The following CBX6 variants were observed in gnomAD, a reference collection of about 807,000 sequenced individuals.
CBX6 encodes the protein chromobox 6.
CBX6 carries 7 observed loss-of-function variants against 28.4 expected under a neutral mutation model. The observed-to-expected ratio is 0.25, with a 90% CI of 0.14 to 0.46. The LOEUF is 0.46. Ranked by LOEUF, CBX6 falls within the 20% of genes least tolerant of loss-of-function variation. The probability of loss-of-function intolerance (pLI) is 0.99; values close to 1 mark genes in which losing one functional copy is unlikely to be tolerated. For missense variants in CBX6, 512 were observed against 606.1 expected (o/e 0.84, Z 1.63); for synonymous variants, 297 against 273.4 (o/e 1.09, Z -0.85).
chr22:38,868,725 C>G (rs73419431), intron 4 of CBX6, among the ~76,000 whole-genome samples: 1 of 151,954 alleles, frequency 6.6e-6, no homozygotes. Flanking sequence ...CATGTCCCCA[C>G]GGTTGGTCTG....
In CBX6 at chr22:38,862,006, A is replaced by G. The variant is rs2093158269; in HGVS notation, c.*4203T>C. 6.6e-6 allele frequency: 1 copy of G among 152,268 alleles called. No individual in the cohort carries two copies. The highest frequency in any genetic ancestry group is 2.4e-5 in the African/African-American group (1 of 41,470). 9.4% of individuals were successfully genotyped at this position (152,268 alleles called of 1,614,324 possible). ...TTTGTGTTTTTAAATTAAAACCAAC[A>G]AAAAGAAGTCTCCCTCTCCACTCCA... On this transcript the variant is annotated 3_prime_UTR_variant, in exon 5 of 5. Transcript: ENST00000407418.
Position 38,866,722 on chromosome 22 carries a change from C to CCCG in CBX6, c.725_726insCGG (p.Leu242_Val243insGly). The CCCG allele has an allele frequency of 6.7e-7, 1 of 1,487,630 alleles. No homozygotes were observed. The highest frequency in any genetic ancestry group is 8.9e-7 in the Non-Finnish European group (1 of 1,119,984). 92.2% of individuals were successfully genotyped at this position (1,487,630 alleles called of 1,614,324 possible). A position where few individuals can be genotyped will look rare whatever the true frequency, so the allele number is the denominator to read the frequency against. On this transcript the variant is annotated inframe_insertion, in exon 5 of 5. Coordinates refer to ENST00000407418, the MANE Select transcript of CBX6 (RefSeq NM_014292.5). This position sits in a 1 kb window ranked among gnomAD's most constrained non-coding sequence, Gnocchi z 7.5. The stretch of plus-strand genomic sequence containing the variant: ...CAGCCTTGCCGGGGGACGGGGCTAC[C>CCCG]AGGGGGGCGGGCGGAGGCTTGTACA...
In CBX6 at chr22:38,863,115, C is replaced by G. The variant is rs959936622; in HGVS notation, c.*3094G>C. The stretch of plus-strand genomic sequence containing the variant: ...AGCAACCTTGACCCCCCACCTGGTA[C>G]TGGGCAGCTGCTCTGACACCAGCAG... On this transcript the variant is annotated 3_prime_UTR_variant, in exon 5 of 5. Coordinates refer to ENST00000407418, the MANE Select transcript of CBX6 (RefSeq NM_014292.5). 5 of 152,238 alleles carry G rather than the reference C, an allele frequency of 3.3e-5. No homozygotes were observed. Among genetic ancestry groups the G allele is most frequent in the Admixed American group, 2.0e-4 (3 of 15,284 alleles). 9.4% of individuals were successfully genotyped at this position (152,238 alleles called of 1,614,324 possible).
At chr22:38,869,810 T>A (rs2093178258) in intron 4 of CBX6, 5 of 152,178 alleles carry the variant, frequency 3.3e-5, no homozygotes, top group Admixed American at 2.6e-4. Context: ...TCTGGCCCTG[T>A]TTCCCCATGC....
In CBX6 at chr22:38,867,208, G is replaced by GT; in HGVS notation, c.247-8_247-7insA. The GT allele has an allele frequency of 1.1e-6, 1 of 874,588 alleles. No individual in the cohort carries two copies. The allele number at this position is 874,588 out of a possible 1,614,324, so 54.2% of individuals were successfully genotyped here. The stretch of plus-strand genomic sequence containing the variant: ...CCTCGGCCTGGGCCCGCGCCTGCGG[G>GT]CAGAGGGAGGGGTGGGTGGGACCTC... On this transcript the variant is annotated splice_region_variant and splice_polypyrimidine_tract_variant and intron_variant, in intron 4 of 4. Coordinates refer to ENST00000407418, the MANE Select transcript of CBX6 (RefSeq NM_014292.5).
rs891820922 is a variant in CBX6 at position 38,863,465 on chromosome 22, G to A, written c.*2744C>T. ...CAAGGGTGGACGAGGGGCCCATGGA[G>A]GCTGATCTCCCAAGGGAGGCCGATC... On this transcript the variant is annotated 3_prime_UTR_variant, in exon 5 of 5. Coordinates refer to ENST00000407418, the MANE Select transcript of CBX6 (RefSeq NM_014292.5). The A allele has an allele frequency of 1.2e-4, 19 of 152,118 alleles. No individual in the cohort carries two copies. Among genetic ancestry groups the A allele is most frequent in the Admixed American group, 3.3e-4 (5 of 15,282 alleles). 9.4% of individuals were successfully genotyped at this position (152,118 alleles called of 1,614,324 possible). A position where few individuals can be genotyped will look rare whatever the true frequency, so the allele number is the denominator to read the frequency against.
Position 38,872,110 on chromosome 22 carries a change from G to A in CBX6, c.69+12C>T, listed in dbSNP as rs1328486612. 1.4e-6 allele frequency: 2 copies of A among 1,380,124 alleles called. No individual in the cohort carries two copies. The highest frequency in any genetic ancestry group is 9.5e-7 in the Non-Finnish European group (1 of 1,053,740). The allele number at this position is 1,380,124 out of a possible 1,614,324, so 85.5% of individuals were successfully genotyped here. On this transcript the variant is annotated intron_variant, in intron 1 of 4. Transcript: ENST00000407418. This position sits in a 1 kb window ranked among gnomAD's most constrained non-coding sequence, Gnocchi z 5.0. ...TGCGGACAGCGGCGGCCCGCCCCGG[G>A]CGGCGGCTCACCTTTCGGATCCGCC...
chr22:38,871,739 G>T lies in CBX6; in HGVS notation c.132C>A (p.Pro44=), dbSNP rs750127189. 2 of 1,611,734 alleles carry T rather than the reference G, an allele frequency of 1.2e-6. No homozygotes were observed. Among genetic ancestry groups the T allele is most frequent in the African/African-American group, 2.7e-5 (2 of 74,866 alleles). The change falls in exon 3 of 5, where the codon CCC becomes CCA. Residue 44 remains proline, a synonymous_variant. Transcript: ENST00000407418. This position sits in a 1 kb window ranked among gnomAD's most constrained non-coding sequence, Gnocchi z 5.6. ...GCCGCGAGTCCAGGATGTTCTCCTCGGGCTCCCAAGTGCTGTACCTGCCGA... is the reference window on the plus strand; with the variant it reads ...GCCGCGAGTCCAGGATGTTCTCCTCTGGCTCCCAAGTGCTGTACCTGCCGA... The part of the protein sequence containing the change: ...GWAIKYSTWE[P]EENILDSRLI...
At chr22:38,869,547 T>A (rs2093177747) in intron 4 of CBX6, 1 of 152,312 alleles carries the variant, frequency 6.6e-6, no homozygotes, top group Admixed American at 6.5e-5. Flanking sequence ...TCTTACTTTA[T>A]ACTTTCTATA....
chr22:38,871,550 C>A lies in CBX6; in HGVS notation c.180-4G>T. ...ATACAGCTCACGCTCCCTCTCCCTG[C>A]GGCCGAAAAACACCAGAGGTTAAAA... On this transcript the variant is annotated splice_region_variant and splice_polypyrimidine_tract_variant and intron_variant, in intron 3 of 4. Coordinates refer to ENST00000407418, the MANE Select transcript of CBX6 (RefSeq NM_014292.5). This position sits in a 1 kb window ranked among gnomAD's most constrained non-coding sequence, Gnocchi z 5.6. 6.2e-7 allele frequency: 1 copy of A among 1,613,748 alleles called. No individual in the cohort carries two copies. Among genetic ancestry groups the A allele is most frequent in the Non-Finnish European group, 8.5e-7 (1 of 1,179,846 alleles).
chr22:38,867,228 G>GGGGGGGCTGGGGGGGGGGGGGGGGGC, intron 4 of CBX6, 27 bp from the exon 5 acceptor site: 1 of 518,866 alleles, frequency 1.9e-6, no homozygotes, highest in Non-Finnish European at 3.6e-6. Flanking sequence ...GGGTGGGTGG[G>GGGGGGGCTGGGGGGGGGGGGGGGGGC]ACCTCAGGAC....
chr22:38,861,668 G>A lies in CBX6; in HGVS notation c.*4541C>T, dbSNP rs1053197. 4,743 of 152,194 alleles carry A rather than the reference G, an allele frequency of 0.031. 98 individuals are homozygous for A. Among genetic ancestry groups the A allele is most frequent in the East Asian group, 0.084 (434 of 5,158 alleles). 9.4% of individuals were successfully genotyped at this position (152,194 alleles called of 1,614,324 possible). ...CTAAGCGTCTTCTCCACAGGGGGAGGGGCAGGGTGGACTGGGGGACCTGCC... is the reference window on the plus strand; with the variant it reads ...CTAAGCGTCTTCTCCACAGGGGGAGAGGCAGGGTGGACTGGGGGACCTGCC... On this transcript the variant is annotated 3_prime_UTR_variant, in exon 5 of 5. Transcript: ENST00000407418.
intron 4 of CBX6, 27 bp from the exon 5 acceptor site, chr22:38,867,228 G>GGGGGGGGGGGGGGCC: frequency 3.9e-5 from 20 of 518,792 alleles, no homozygotes; most frequent in East Asian, 5.0e-5. Flanking sequence ...GGGTGGGTGG[G>GGGGGGGGGGGGGGCC]ACCTCAGGAC....
chr22:38,868,047 G>A (rs2093174678), intron 4 of CBX6, among the ~76,000 whole-genome samples: 1 of 152,232 alleles, frequency 6.6e-6, no homozygotes, highest in African/African-American at 2.4e-5. Flanking sequence ...CCTTCCAGCT[G>A]TCCTTCCAGG....
At position 38,871,780 on chromosome 22, in the gene CBX6, A is replaced by G; in HGVS notation, c.114-23T>C. On this transcript the variant is annotated intron_variant, in intron 2 of 4. Transcript: ENST00000407418. This position sits in a 1 kb window ranked among gnomAD's most constrained non-coding sequence, Gnocchi z 5.6. ...TACCTGCCGAGTCACAAACGCACAA[A>G]ATCAGGATGAAGACCAGAGAGGGAC... 1 of 1,604,354 alleles carries G rather than the reference A, an allele frequency of 6.2e-7. No homozygotes were observed. Among genetic ancestry groups the G allele is most frequent in the Non-Finnish European group, 8.5e-7 (1 of 1,173,790 alleles).
At chr22:38,868,745 T>A (rs1006456698) in intron 4 of CBX6, among the ~76,000 whole-genome samples, 8 of 152,060 alleles carry the variant, frequency 5.3e-5, no homozygotes, top group African/African-American at 1.7e-4. Flanking sequence ...GTGAGGTCCA[T>A]GAGGGTGGGA....
At position 38,862,652 on chromosome 22, in the gene CBX6, C is replaced by T. The variant is rs975429332; in HGVS notation, c.*3557G>A. 1 of 152,140 alleles carries T rather than the reference C, an allele frequency of 6.6e-6. No homozygotes were observed. The highest frequency in any genetic ancestry group is 2.4e-5 in the African/African-American group (1 of 41,406). The allele number at this position is 152,140 out of a possible 1,614,324, so 9.4% of individuals were successfully genotyped here. The stretch of plus-strand genomic sequence containing the variant: ...AAAAGGGGGATGTGTCCTCTTGGGT[C>T]CCCATAGGCCAGAGAGGCTGGTAGC... On this transcript the variant is annotated 3_prime_UTR_variant, in exon 5 of 5. Transcript: ENST00000407418.
At position 38,871,957 on chromosome 22, in the gene CBX6, A is replaced by T; in HGVS notation, c.70-12T>A. ...TACTCGATGCGTCCCTGAAAAACAG[A>T]GGGGAGAAAAACGGGGGTGGGGGTG... On this transcript the variant is annotated splice_polypyrimidine_tract_variant and intron_variant, in intron 1 of 4. Coordinates refer to ENST00000407418, the MANE Select transcript of CBX6 (RefSeq NM_014292.5). The surrounding 1 kb of genome is among the most constrained non-coding windows in gnomAD (Gnocchi z 5.6). The T allele has an allele frequency of 2.8e-6, 4 of 1,410,814 alleles. No homozygotes were observed. The highest frequency in any genetic ancestry group is 2.9e-5 in the East Asian group (1 of 34,202). The allele number at this position is 1,410,814 out of a possible 1,614,324, so 87.4% of individuals were successfully genotyped here.
chr22:38,866,140 G>C lies in CBX6; in HGVS notation c.*69C>G. 9.0e-7 allele frequency: 1 copy of C among 1,108,612 alleles called. No homozygotes were observed. Among genetic ancestry groups the C allele is most frequent in the Non-Finnish European group, 1.3e-6 (1 of 771,164 alleles). The allele number at this position is 1,108,612 out of a possible 1,614,324, so 68.7% of individuals were successfully genotyped here. Reference sequence around the variant, plus strand: ...GGGAGAGAGGGCTGGGGGCAAGGGTGGGGTGGGAGCAAGAGTATGACTTCG... The same window carrying C: ...GGGAGAGAGGGCTGGGGGCAAGGGTCGGGTGGGAGCAAGAGTATGACTTCG... On this transcript the variant is annotated 3_prime_UTR_variant, in exon 5 of 5. Transcript: ENST00000407418. This position sits in a 1 kb window ranked among gnomAD's most constrained non-coding sequence, Gnocchi z 7.5.
Sources: gnomAD v4.1 joint callset for allele counts (sites outside exome capture counted in the v4.1 genomes callset) on GRCh38, gnomAD v4.1.1 for gene constraint, Gnocchi (gnomAD v3.1) non-coding constraint, MANE v1.5 for transcripts, NCBI Gene and HGNC (gene_info 2026-07-23, HGNC 2026-07-21) for gene names.